Variants in FANCI observed in about 807,000 individuals in gnomAD.
FANCI encodes the protein Fanconi anemia group I protein.
In FANCI, 156 loss-of-function variants were observed where a neutral mutation model predicts 176.1. That is an observed-to-expected ratio of 0.89 (90% CI 0.78 to 1.01). FANCI has a LOEUF of 1.01. Ranked by LOEUF, FANCI falls within the 50% of genes least tolerant of loss-of-function variation. The probability of loss-of-function intolerance (pLI) is 0.00; values close to 1 mark genes in which losing one functional copy is unlikely to be tolerated. For synonymous variants in FANCI, 613 were observed against 541.7 expected, an observed-to-expected ratio of 1.13 and a Z score of -1.83; for missense variants, 1,678 against 1,534.1, an observed-to-expected ratio of 1.09 and a Z score of -1.57.
chr15:89,311,397 C>T (rs777275257), intron 34 of FANCI, among the ~76,000 whole-genome samples: 12 of 152,110 alleles, frequency 7.9e-5, no homozygotes, highest in African/African-American at 2.7e-4. Context: ...CCAGCCTGGG[C>T]GACAGAGTGA....
intron 12 of FANCI, among the ~76,000 whole-genome samples, chr15:89,274,679 A>C (rs6496571): frequency 0.34 from 46,461 of 137,558 alleles, 8,157 homozygotes; most frequent in Non-Finnish European, 0.39. Flanking sequence ...ATCTTGGCTC[A>C]CTGCACCCTT....
At chr15:89,275,853 C>T (rs1463170185) in intron 12 of FANCI, among the ~76,000 whole-genome samples, 1 of 152,198 alleles carries the variant, frequency 6.6e-6, no homozygotes, top group Non-Finnish European at 1.5e-5. Flanking sequence ...CAAACCTCAG[C>T]TGGGAGAGAT....
At chr15:89,252,447 A>G (rs1295877449) in intron 2 of FANCI, among the ~76,000 whole-genome samples, 1 of 152,152 alleles carries the variant, frequency 6.6e-6, no homozygotes, top group Admixed American at 6.5e-5. Flanking sequence ...AAAAATCAGT[A>G]GCATTCATAC....
chr15:89,282,841 C>T, intron 16 of FANCI: 1 of 388,292 alleles, frequency 2.6e-6, no homozygotes, highest in South Asian at 2.4e-5. Context: ...GAGTAACCAG[C>T]CAATTTTACA....
At chr15:89,314,357 T>C (rs1430309071) in intron 35 of FANCI, among the ~76,000 whole-genome samples, 1 of 152,214 alleles carries the variant, frequency 6.6e-6, no homozygotes, top group East Asian at 1.9e-4. Flanking sequence ...GATCCTGCCC[T>C]CCTCAGCCAT....
At chr15:89,266,355 GTC>G (rs2052961172) in intron 9 of FANCI, among the ~76,000 whole-genome samples, 1 of 142,996 alleles carries the variant, frequency 7.0e-6, no homozygotes. Context: ...TTGAGAGGAA[GTC>G]TCACTGTGTT....
intron 1 of FANCI, among the ~76,000 whole-genome samples, chr15:89,246,454 C>T (rs2051976629): frequency 6.6e-6 from 1 of 152,210 alleles, no homozygotes; most frequent in African/African-American, 2.4e-5. Context: ...GAAATAGAAT[C>T]TAAATTCCTT....
chr15:89,263,877 T>C lies in FANCI; in HGVS notation c.546-26T>C, dbSNP rs368275506. On this transcript the variant is annotated intron_variant, in intron 7 of 37. Transcript: ENST00000310775. ...AAACAAGGCAGTTAGACACTGTCTA[T>C]AGCCTTTAGAATCTTTGATCCACAG... The C allele has an allele frequency of 6.8e-6, 11 of 1,613,834 alleles. No individual in the cohort carries two copies. In the African/African-American group the frequency reaches 1.5e-4, roughly 22 times the overall value.
intron 10 of FANCI, among the ~76,000 whole-genome samples, chr15:89,270,320 C>G (rs1296063063): frequency 6.6e-6 from 1 of 152,048 alleles, no homozygotes; most frequent in African/African-American, 2.4e-5. Context: ...AGAAAATGAC[C>G]ATTGATTTTC....
chr15:89,306,258 T>G (rs1351694242), intron 32 of FANCI, 64 bp downstream of exon 32: 1 of 1,524,430 alleles, frequency 6.6e-7, no homozygotes, highest in East Asian at 2.2e-5. Flanking sequence ...GAGATGAGGA[T>G]GGGGCAGCAG....
At chr15:89,281,109 T>C in intron 14 of FANCI, 61 bp from the exon 15 acceptor site, 1 of 1,554,198 alleles carries the variant, frequency 6.4e-7, no homozygotes, top group Non-Finnish European at 8.9e-7. Flanking sequence ...CTCCGTATTT[T>C]TCTTTTATTT....
In FANCI at chr15:89,269,817, G is replaced by GT. The variant is rs578190068; in HGVS notation, c.882+1304dup. On this transcript the variant is annotated intron_variant, in intron 10 of 37. Coordinates refer to ENST00000310775, the MANE Select transcript of FANCI (RefSeq NM_001113378.2). ...TGGGATATTATTCTTCCTTTGATTT[G>GT]TTTTTTTTTTTTGGACAGAGTCTCA... Among the ~76,000 whole-genome samples the GT allele has an allele frequency of 2.4e-3, 340 of 141,680 alleles. 1 individual carries two copies. The highest frequency in any genetic ancestry group is 9.4e-3 in the South Asian group (42 of 4,480). 92.9% of individuals were successfully genotyped at this position (141,680 alleles called of 152,430 possible). A position where few individuals can be genotyped will look rare whatever the true frequency, so the allele number is the denominator to read the frequency against.
At chr15:89,265,127 C>T (rs990133044) in intron 9 of FANCI, among the ~76,000 whole-genome samples, 2 of 152,172 alleles carry the variant, frequency 1.3e-5, no homozygotes, top group African/African-American at 2.4e-5. Context: ...GATCAGAGAA[C>T]ATTCTCAGGT....
At chr15:89,281,085 C>G in intron 14 of FANCI, 85 bp from the exon 15 acceptor site, 117 of 1,396,054 alleles carry the variant, frequency 8.4e-5, no homozygotes, top group Middle Eastern at 1.9e-4. Context: ...AAACAAAAGA[C>G]TTCACATTTC....
At position 89,294,939 on chromosome 15, in the gene FANCI, A is replaced by T. The variant is rs879531765; in HGVS notation, c.2481A>T (p.Glu827Asp). 15 of 1,552,210 alleles carry T rather than the reference A, an allele frequency of 9.7e-6. No individual in the cohort carries two copies. Among genetic ancestry groups the T allele is most frequent in the Non-Finnish European group, 1.3e-5 (15 of 1,147,124 alleles). Reference sequence around the variant, plus strand: ...GGGATAGTATCCAAAGCCACCAAGAAAGCCTTTCTGTTCTCAGGTCCAGCA... The same window carrying T: ...GGGATAGTATCCAAAGCCACCAAGATAGCCTTTCTGTTCTCAGGTCCAGCA... Reference protein sequence around the residue: ...LFRDSIQSHQESLSVLRSSNE... With the variant: ...LFRDSIQSHQDSLSVLRSSNE... Residue 827 changes from glutamate to aspartate, a missense_variant, in exon 24 of 38, where the codon GAA becomes GAT. By Grantham distance (45) the Glu-to-Asp change is conservative (BLOSUM62 2). Coordinates refer to ENST00000310775, the MANE Select transcript of FANCI (RefSeq NM_001113378.2).
chr15:89,290,669 C>A (rs1038462867), intron 19 of FANCI: 1 of 202,468 alleles, frequency 4.9e-6, no homozygotes, highest in Non-Finnish European at 1.0e-5. Flanking sequence ...ATGTCTTTTA[C>A]ATTCCTTTCT....
At chr15:89,293,711 C>A in intron 22 of FANCI, 122 bp from the exon 23 acceptor site, 3 of 1,012,488 alleles carry the variant, frequency 3.0e-6, no homozygotes, top group East Asian at 2.4e-5. Context: ...AAGTTCTATT[C>A]ATTTATAATG....
Position 89,293,038 on chromosome 15 carries a change from T to A in FANCI, c.2266T>A (p.Tyr756Asn), listed in dbSNP as rs752028405. The A allele has an allele frequency of 6.2e-7, 1 of 1,613,734 alleles. No individual in the cohort carries two copies. Reference sequence around the variant, plus strand: ...GGGAGTTTGTGAGGTTTTAATAGAATACAATTTCTCCATAAGTAGTTTCAG... The same window carrying A: ...GGGAGTTTGTGAGGTTTTAATAGAAAACAATTTCTCCATAAGTAGTTTCAG... ...VMGVCEVLIE[Y>N]NFSISSFSKN... The change falls in exon 22 of 38, where the codon TAC (tyrosine) becomes AAC (asparagine). Residue 756 changes from tyrosine (Y) to asparagine (N), a missense_variant. Around this residue, in one of 3 missense-constraint regions of FANCI, gnomAD observed 1,204 missense variants for 1,077.4 expected, o/e 1.12. Transcript: ENST00000310775.
At position 89,294,973 on chromosome 15, in the gene FANCI, A is replaced by G; in HGVS notation, c.2515A>G (p.Met839Val). ...TGTTCTCAGGTCCAGCAATGAGTTTATGCGCTATGCAGTGAATGTAGCTCT... is the reference window on the plus strand; with the variant it reads ...TGTTCTCAGGTCCAGCAATGAGTTTGTGCGCTATGCAGTGAATGTAGCTCT... ...LSVLRSSNEF[M>V]RYAVNVALQK... The change falls in exon 24 of 38, where the codon ATG becomes GTG. Residue 839 changes from methionine (M) to valine (V), a missense_variant. Coordinates refer to ENST00000310775, the MANE Select transcript of FANCI (RefSeq NM_001113378.2). 6.4e-7 allele frequency: 1 copy of G among 1,552,398 alleles called. No individual in the cohort carries two copies. Among genetic ancestry groups the G allele is most frequent in the Middle Eastern group, 1.7e-4 (1 of 5,998 alleles).
Sources: allele counts gnomAD v4.1 joint callset (sites outside exome capture counted in the v4.1 genomes callset), GRCh38; gene constraint gnomAD v4.1.1; regional missense constraint gnomAD v4.1.1; transcripts MANE v1.5; gene names NCBI Gene and HGNC (gene_info 2026-07-23, HGNC 2026-07-21).